HCN2: variants seen among roughly 807,000 people sequenced by gnomAD.
HCN2 encodes hyperpolarization activated cyclic nucleotide gated potassium and sodium channel 2.
Under a neutral mutation model 52.3 loss-of-function variants are expected in HCN2, and 20 were observed. The observed-to-expected ratio is 0.38, with a 90% CI of 0.27 to 0.56. The LOEUF (loss-of-function observed/expected upper bound fraction) is 0.56, where lower values mean the gene tolerates loss of function less well. Ranked by LOEUF, HCN2 falls within the 20% of genes least tolerant of loss-of-function variation. HCN2 has a pLI of 0.71. For missense variants in HCN2, 981 were observed against 1,207.7 expected (o/e 0.81, Z 2.78); for synonymous variants, 694 against 537.0 (o/e 1.29, Z -4.04).
At chr19:597,793 TCC>T (rs1341994016) in intron 1 of HCN2, among the ~76,000 whole-genome samples, 304 of 148,432 alleles carry the variant, frequency 2.0e-3, no homozygotes, top group African/African-American at 7.2e-3. Flanking sequence ...TTCTAGGCCC[TCC>T]TGGTGGTTTC....
chr19:592,185 G>A lies in HCN2; in HGVS notation c.632+1608G>A, dbSNP rs979254225. On this transcript the variant is annotated intron_variant, in intron 1 of 7. Transcript: ENST00000251287. The surrounding 1 kb of genome is among the most constrained non-coding windows in gnomAD (Gnocchi z 4.8). Reference sequence around the variant, plus strand: ...GGCAGTGGCACCCCCTGACCGGAGAGGGACGCGGTGGAGAGGGAGCTGTAG... The same window carrying A: ...GGCAGTGGCACCCCCTGACCGGAGAAGGACGCGGTGGAGAGGGAGCTGTAG... Among the ~76,000 whole-genome samples the A allele has an allele frequency of 6.6e-6, 1 of 152,218 alleles. No homozygotes were observed. Among genetic ancestry groups the A allele is most frequent in the Non-Finnish European group, 1.5e-5 (1 of 68,026 alleles).
At chr19:604,732 T>TG (rs1297819559) in intron 2 of HCN2, among the ~76,000 whole-genome samples, 1 of 25,484 alleles carries the variant, frequency 3.9e-5, no homozygotes, top group African/African-American at 1.9e-4. Flanking sequence ...ACATCAGGGG[T>TG]GGGGATATGA....
rs1450816333 is a variant in HCN2, at chr19:616,931, CCGTCCGCGCG to C, written c.*463_*472del. ...GCTCACGCAATAACCGGCCCGGCCC[CCGTCCGCGCG>C]CGTCCCCCGGTGACCTCGGGGAGCA... is the stretch of plus-strand genomic sequence containing the variant. On this transcript the variant is annotated 3_prime_UTR_variant, in exon 8 of 8. Coordinates refer to ENST00000251287, the MANE Select transcript of HCN2 (RefSeq NM_001194.4). 3.4e-4 allele frequency: 126 copies of C among 372,534 alleles called. No individual in the cohort carries two copies. The highest frequency in any genetic ancestry group is 5.8e-4 in the Non-Finnish European group (116 of 200,364). 23.1% of individuals were successfully genotyped at this position (372,534 alleles called of 1,614,324 possible). A position where few individuals can be genotyped will look rare whatever the true frequency, so the allele number is the denominator to read the frequency against.
Position 616,692 on chromosome 19 carries a change from C to A in HCN2, c.*218C>A. ...CGCCCCGCGCCCACCCCCATCGCCC[C>A]TGCCCCCGGCGGCGGCCTCGCGTGC... On this transcript the variant is annotated 3_prime_UTR_variant, in exon 8 of 8. Coordinates refer to ENST00000251287, the MANE Select transcript of HCN2 (RefSeq NM_001194.4). The A allele has an allele frequency of 4.4e-6, 1 of 225,480 alleles. No homozygotes were observed. The highest frequency in any genetic ancestry group is 8.6e-6 in the Non-Finnish European group (1 of 116,714). 14.0% of individuals were successfully genotyped at this position (225,480 alleles called of 1,614,324 possible).
chr19:611,530 G>A (rs1421602362), intron 5 of HCN2, among the ~76,000 whole-genome samples: 1 of 152,204 alleles, frequency 6.6e-6, no homozygotes. Flanking sequence ...GCCTCTGGGG[G>A]GGCGTGTACA....
intron 5 of HCN2, 71 bp downstream of exon 5, chr19:610,476 G>C (rs1309778000): frequency 2.8e-6 from 4 of 1,442,930 alleles, no homozygotes; most frequent in African/African-American, 2.8e-5. Context: ...TGGAGCCCAG[G>C]AGCCGGTCCC....
chr19:609,373 G>A (rs781099368), intron 4 of HCN2, among the ~76,000 whole-genome samples: 3 of 152,196 alleles, frequency 2.0e-5, no homozygotes, highest in Non-Finnish European at 4.4e-5. Flanking sequence ...AAGGGCCAGA[G>A]CCCCCGGGAA....
intron 1 of HCN2, among the ~76,000 whole-genome samples, chr19:594,998 C>T (rs571074909): frequency 4.0e-5 from 6 of 151,446 alleles, no homozygotes; most frequent in Admixed American, 2.0e-4. Context: ...CCCAGGAGTT[C>T]GAGACCAGCC....
chr19:596,386 G>A (rs1001281557), intron 1 of HCN2, among the ~76,000 whole-genome samples: 6 of 152,144 alleles, frequency 3.9e-5, no homozygotes, highest in East Asian at 1.9e-4. Context: ...GGCTTCTTCC[G>A]GTCCCCCAGG....
intron 2 of HCN2, 135 bp from the exon 3 acceptor site, chr19:604,925 GC>G: frequency 1.1e-6 from 1 of 923,430 alleles, no homozygotes; most frequent in Non-Finnish European, 1.6e-6. Context: ...GCAGGGTGGG[GC>G]GGGGGTCCTG....
intron 6 of HCN2, 69 bp from the exon 7 acceptor site, chr19:613,783 G>T (rs1983773545): frequency 1.4e-6 from 2 of 1,404,962 alleles, no homozygotes; most frequent in Non-Finnish European, 1.8e-6. Context: ...AGGCCGGGCC[G>T]TGTGCCTGGG....
intron 7 of HCN2, among the ~76,000 whole-genome samples, chr19:614,741 G>A (rs58008693): frequency 0.024 from 3,590 of 152,174 alleles, 148 homozygotes; most frequent in African/African-American, 0.082. Context: ...CTAGGTGGGC[G>A]GAGGACCTGG....
In HCN2 at chr19:590,612, GGCCCGGGGAGCCGGGC is replaced by G; in HGVS notation, c.632+38_632+53del. 7.6e-7 allele frequency: 1 copy of G among 1,322,522 alleles called. No individual in the cohort carries two copies. Among genetic ancestry groups the G allele is most frequent in the Non-Finnish European group, 9.8e-7 (1 of 1,023,750 alleles). 81.9% of individuals were successfully genotyped at this position (1,322,522 alleles called of 1,614,324 possible). Reference sequence around the variant, plus strand: ...CCGGGAGGGCCGGTCGGCGCGAGGGGGCCCGGGGAGCCGGGCGCGCGGGGAGCCGTCCTTGGAGCGC... The same window carrying G: ...CCGGGAGGGCCGGTCGGCGCGAGGGGGCGCGGGGAGCCGTCCTTGGAGCGC... On this transcript the variant is annotated intron_variant, in intron 1 of 7. Transcript: ENST00000251287. The surrounding 1 kb of genome is among the most constrained non-coding windows in gnomAD (Gnocchi z 7.2).
chr19:615,152 C>T (rs1240217559), intron 7 of HCN2, among the ~76,000 whole-genome samples: 1 of 152,104 alleles, frequency 6.6e-6, no homozygotes, highest in Non-Finnish European at 1.5e-5. Flanking sequence ...TCAGCGTATA[C>T]AGGTGGTACA....
intron 5 of HCN2, among the ~76,000 whole-genome samples, chr19:611,934 T>C (rs546842950): frequency 3.3e-5 from 5 of 152,024 alleles, no homozygotes; most frequent in African/African-American, 1.2e-4. Context: ...TCACCTGAGG[T>C]CAGGAGTTCG....
At position 592,758 on chromosome 19, in the gene HCN2, A is replaced by G. The variant is rs1039483844; in HGVS notation, c.632+2181A>G. Among the ~76,000 whole-genome samples, 1 of 152,032 alleles carries G rather than the reference A, an allele frequency of 6.6e-6. No individual in the cohort carries two copies. Among genetic ancestry groups the G allele is most frequent in the Non-Finnish European group, 1.5e-5 (1 of 67,986 alleles). On this transcript the variant is annotated intron_variant, in intron 1 of 7. Coordinates refer to ENST00000251287, the MANE Select transcript of HCN2 (RefSeq NM_001194.4). This position sits in a 1 kb window ranked among gnomAD's most constrained non-coding sequence, Gnocchi z 4.8. ...TCAGTGTGGAAAAAGACCCCCAAGA[A>G]TATCTCAAAAGCTCCCTAAGCAGGC...
chr19:616,010 A>C lies in HCN2; in HGVS notation c.2206A>C (p.Met736Leu). 6.7e-7 allele frequency: 1 copy of C among 1,502,454 alleles called. No individual in the cohort carries two copies. The highest frequency in any genetic ancestry group is 1.3e-5 in the South Asian group (1 of 79,740). 93.1% of individuals were successfully genotyped at this position (1,502,454 alleles called of 1,614,324 possible). A position where few individuals can be genotyped will look rare whatever the true frequency, so the allele number is the denominator to read the frequency against. ...AIATLQQAAA[M>L]SFCPQVARPL... ...CGCCACGCTGCAGCAGGCGGCGGCC[A>C]TGAGCTTCTGCCCGCAGGTGGCGCG... Residue 736 changes from methionine to leucine, a missense_variant, in exon 8 of 8, where the codon ATG (methionine) becomes CTG (leucine). Transcript: ENST00000251287.
rs1348244100 is a variant in HCN2 at position 616,022 on chromosome 19, C to T, written c.2218C>T (p.Pro740Ser). 1.5e-6 allele frequency: 2 copies of T among 1,372,790 alleles called. No individual in the cohort carries two copies. Among genetic ancestry groups the T allele is most frequent in the Admixed American group, 3.8e-5 (1 of 26,382 alleles). The allele number at this position is 1,372,790 out of a possible 1,614,324, so 85.0% of individuals were successfully genotyped here. The change falls in exon 8 of 8, where the codon CCG (proline) becomes TCG (serine). Residue 740 changes from proline to serine, a missense_variant. This residue lies in a region of HCN2 where 368 missense variants were observed against 314.8 expected (regional missense o/e 1.17). Transcript: ENST00000251287. ...LQQAAAMSFC[P>S]QVARPLVGPL... ...GCAGGCGGCGGCCATGAGCTTCTGC[C>T]CGCAGGTGGCGCGGCCGCTCGTGGG...
At chr19:615,693 G>T (rs1568369952) in intron 7 of HCN2, 102 bp from the exon 8 acceptor site, 11 of 1,086,692 alleles carry the variant, frequency 1.0e-5, no homozygotes, top group Admixed American at 3.6e-5. Flanking sequence ...TGCTCTACAC[G>T]GCAAGCACTG....
Sources: allele counts gnomAD v4.1 joint callset (sites outside exome capture counted in the v4.1 genomes callset), GRCh38; gene constraint gnomAD v4.1.1; regional missense constraint gnomAD v4.1.1; non-coding constraint Gnocchi (gnomAD v3.1); transcripts MANE v1.5; gene names NCBI Gene and HGNC (gene_info 2026-07-23, HGNC 2026-07-21).